The following PPM1H variants were observed in gnomAD, a reference collection of about 807,000 sequenced individuals.
PPM1H encodes the protein protein phosphatase 1H.
Under a neutral mutation model 54.9 loss-of-function variants are expected in PPM1H, and 27 were observed. That is an observed-to-expected ratio of 0.49 (90% CI 0.36 to 0.68). The LOEUF is 0.68. PPM1H is among the 30% of genes least tolerant of loss of function. The pLI is 0.00. For synonymous variants in PPM1H, 305 were observed against 270.8 expected (o/e 1.13, Z -1.24); for missense variants, 596 against 667.8 (o/e 0.89, Z 1.19).
chr12:62,786,247 G>A (rs1221220513), intron 4 of PPM1H, among the ~76,000 whole-genome samples: 1 of 152,248 alleles, frequency 6.6e-6, no homozygotes, highest in Non-Finnish European at 1.5e-5. Flanking sequence ...CTGAACAAGA[G>A]GCCAGGGGCT....
chr12:62,871,682 T>G (rs149732014), intron 1 of PPM1H, among the ~76,000 whole-genome samples: 5 of 152,068 alleles, frequency 3.3e-5, no homozygotes, highest in African/African-American at 1.2e-4. Context: ...ATCTGGCTAG[T>G]TTTTTGTATT....
chr12:62,849,673 A>G (rs544747523), intron 1 of PPM1H, among the ~76,000 whole-genome samples: 9 of 152,294 alleles, frequency 5.9e-5, no homozygotes, highest in Non-Finnish European at 1.2e-4. Flanking sequence ...ACTGGTAAGG[A>G]CTATAAAATT....
At chr12:62,750,362 T>C (rs1232806725) in intron 4 of PPM1H, among the ~76,000 whole-genome samples, 1 of 152,270 alleles carries the variant, frequency 6.6e-6, no homozygotes, top group Non-Finnish European at 1.5e-5. Context: ...TTAATATGAA[T>C]GGCATCATAC....
intron 7 of PPM1H, among the ~76,000 whole-genome samples, chr12:62,690,845 A>G (rs2076078774): frequency 6.6e-6 from 1 of 152,090 alleles, no homozygotes; most frequent in Non-Finnish European, 1.5e-5. Flanking sequence ...GGTGGTGGGC[A>G]CCTGTAATCC....
At chr12:62,810,265 G>A (rs1264468990) in intron 2 of PPM1H, among the ~76,000 whole-genome samples, 3 of 152,156 alleles carry the variant, frequency 2.0e-5, no homozygotes, top group African/African-American at 7.2e-5. Context: ...GATTGGGGAT[G>A]ACTTGATCTT....
intron 3 of PPM1H, among the ~76,000 whole-genome samples, chr12:62,800,227 A>G (rs1487525382): frequency 6.6e-6 from 1 of 152,102 alleles, no homozygotes; most frequent in Non-Finnish European, 1.5e-5. Context: ...ATGCCGTGAG[A>G]TCCTGGAACA....
At chr12:62,813,138 T>C (rs934651863) in intron 2 of PPM1H, among the ~76,000 whole-genome samples, 5 of 152,090 alleles carry the variant, frequency 3.3e-5, no homozygotes, top group Non-Finnish European at 5.9e-5. Flanking sequence ...CCTCAGACGT[T>C]TCCTGTGGAG....
chr12:62,655,202 AC>A (rs1284084016), intron 9 of PPM1H, among the ~76,000 whole-genome samples: 2 of 151,972 alleles, frequency 1.3e-5, no homozygotes, highest in South Asian at 2.1e-4. Flanking sequence ...AACCCCGGGG[AC>A]TCAGCTCTTG....
chr12:62,789,602 C>A (rs2076692447), intron 3 of PPM1H, among the ~76,000 whole-genome samples: 1 of 152,220 alleles, frequency 6.6e-6, no homozygotes, highest in African/African-American at 2.4e-5. Flanking sequence ...TCATTGAGAA[C>A]TTTCTCTACG....
At chr12:62,727,439 G>T (rs2120488836) in intron 5 of PPM1H, among the ~76,000 whole-genome samples, 1 of 152,132 alleles carries the variant, frequency 6.6e-6, no homozygotes, top group Admixed American at 6.5e-5. Flanking sequence ...GACCCACGTA[G>T]TTTGGATTTA....
intron 9 of PPM1H, among the ~76,000 whole-genome samples, chr12:62,658,094 T>C (rs1286953080): frequency 7.1e-6 from 1 of 141,406 alleles, no homozygotes; most frequent in East Asian, 2.0e-4. Context: ...GGGCCAGGCA[T>C]GATGGCTCAC....
At chr12:62,905,315 G>A (rs699578) in intron 1 of PPM1H, among the ~76,000 whole-genome samples, 99,131 of 151,976 alleles carry the variant, frequency 0.65, 32,815 homozygotes, top group African/African-American at 0.69. Context: ...GGGAAAGTTA[G>A]GGATTGGCAA....
chr12:62,916,615 C>G (rs1264377233), intron 1 of PPM1H, among the ~76,000 whole-genome samples: 1 of 151,426 alleles, frequency 6.6e-6, no homozygotes, highest in East Asian at 1.9e-4. Context: ...AGTGCAAACA[C>G]CAAGAGTATT....
chr12:62,831,963 T>C (rs2120857614), intron 2 of PPM1H, 151 bp downstream of exon 2: 1 of 849,102 alleles, frequency 1.2e-6, no homozygotes, highest in Non-Finnish European at 1.8e-6. Context: ...ATGTGTGATG[T>C]CGTGACGATA....
At chr12:62,739,248 C>G (rs2076368378) in intron 4 of PPM1H, among the ~76,000 whole-genome samples, 1 of 152,028 alleles carries the variant, frequency 6.6e-6, no homozygotes. Flanking sequence ...AATGCAATCA[C>G]TATTACCCCA....
At chr12:62,923,059 G>A (rs1328721054) in intron 1 of PPM1H, among the ~76,000 whole-genome samples, 1 of 146,746 alleles carries the variant, frequency 6.8e-6, no homozygotes, top group African/African-American at 2.5e-5. Flanking sequence ...AGGGGCCAAT[G>A]TTATAAAACT....
intron 5 of PPM1H, among the ~76,000 whole-genome samples, chr12:62,731,865 G>A (rs920093895): frequency 7.9e-5 from 12 of 152,126 alleles, no homozygotes; most frequent in Non-Finnish European, 1.3e-4. Context: ...TCTCCTGAGG[G>A]AGATCCATTT....
intron 4 of PPM1H, among the ~76,000 whole-genome samples, chr12:62,779,299 G>A (rs1008763612): frequency 1.3e-4 from 19 of 151,870 alleles, no homozygotes; most frequent in East Asian, 3.9e-4. Flanking sequence ...TGCCTGCCTC[G>A]GCCTCCCAAA....
At chr12:62,869,681 C>G (rs1043325680) in intron 1 of PPM1H, among the ~76,000 whole-genome samples, 4 of 152,210 alleles carry the variant, frequency 2.6e-5, no homozygotes, top group Non-Finnish European at 5.9e-5. Context: ...AAGGACTTCT[C>G]AATGCACTTG....
Sources: gnomAD v4.1 joint callset for allele counts (sites outside exome capture counted in the v4.1 genomes callset) on GRCh38, gnomAD v4.1.1 for gene constraint, MANE v1.5 for transcripts, NCBI Gene and HGNC (gene_info 2026-07-23, HGNC 2026-07-21) for gene names.